The following ADCY6 variants were observed in gnomAD, a reference collection of about 807,000 sequenced individuals.
ADCY6 encodes adenylate cyclase type 6.
Under a neutral mutation model 111.6 loss-of-function variants are expected in ADCY6, and 59 were observed. The observed-to-expected ratio is 0.53, with a 90% CI of 0.43 to 0.66. The LOEUF is 0.66. Among genes scored for constraint, ADCY6 ranks in the 30% least tolerant of loss-of-function variants. ADCY6 has a pLI of 0.00. For missense variants in ADCY6, 1,242 were observed against 1,595.6 expected (o/e 0.78, Z 3.78); for synonymous variants, 576 against 642.9 (o/e 0.90, Z 1.57).
At position 48,770,929 on chromosome 12, in the gene ADCY6, C is replaced by T. The variant is rs1309330506; in HGVS notation, c.3093G>A (p.Lys1031=). The T allele has an allele frequency of 6.2e-7, 1 of 1,614,214 alleles. No homozygotes were observed. The highest frequency in any genetic ancestry group is 1.7e-5 in the Admixed American group (1 of 60,022). ...EERFRQLEKI[K]TIGSTYMAAS... is the part of the protein sequence containing the mutation. Reference sequence around the variant, plus strand: ...CAGCCATGTAGGTGCTACCAATCGTCTTGATCTTTTCCAGCTGCCGGAACC... The same window carrying T: ...CAGCCATGTAGGTGCTACCAATCGTTTTGATCTTTTCCAGCTGCCGGAACC... The change falls in exon 20 of 22, where the codon AAG becomes AAA. Residue 1031 remains lysine, a synonymous_variant. Transcript: ENST00000357869.
chr12:48,771,084 G>T lies in ADCY6; in HGVS notation c.3052-114C>A. The T allele has an allele frequency of 2.9e-6, 3 of 1,047,980 alleles. No individual in the cohort carries two copies. Among genetic ancestry groups the T allele is most frequent in the Non-Finnish European group, 2.8e-6 (2 of 718,198 alleles). The allele number at this position is 1,047,980 out of a possible 1,614,324, so 64.9% of individuals were successfully genotyped here. On this transcript the variant is annotated intron_variant, in intron 19 of 21. Coordinates refer to ENST00000357869, the MANE Select transcript of ADCY6 (RefSeq NM_015270.5). The surrounding 1 kb of genome is among the most constrained non-coding windows in gnomAD (Gnocchi z 4.3). Reference sequence around the variant, plus strand: ...CCTTCCCCACTTCCCTGTCTCAAGAGCCCCCTTCCAGCTGCTGCTATCAGT... The same window carrying T: ...CCTTCCCCACTTCCCTGTCTCAAGATCCCCCTTCCAGCTGCTGCTATCAGT...
intron 2 of ADCY6, among the ~76,000 whole-genome samples, chr12:48,781,473 C>T (rs1370151453): frequency 1.3e-5 from 2 of 152,160 alleles, no homozygotes; most frequent in African/African-American, 4.8e-5. Flanking sequence ...CTGGCCTCTG[C>T]TCCCTGGGCA....
chr12:48,782,469 C>T lies in ADCY6; in HGVS notation c.864+102G>A. On this transcript the variant is annotated intron_variant, in intron 2 of 21. Coordinates refer to ENST00000357869, the MANE Select transcript of ADCY6 (RefSeq NM_015270.5). This position sits in a 1 kb window ranked among gnomAD's most constrained non-coding sequence, Gnocchi z 4.3. ...GCCAGACATCCCTGCACCCAGCTTC[C>T]ACCCATGACTCACCCGCCCTTCCTC... The T allele has an allele frequency of 6.8e-7, 1 of 1,473,660 alleles. No homozygotes were observed. The highest frequency in any genetic ancestry group is 9.0e-7 in the Non-Finnish European group (1 of 1,111,472). 91.3% of individuals were successfully genotyped at this position (1,473,660 alleles called of 1,614,324 possible). A position where few individuals can be genotyped will look rare whatever the true frequency, so the allele number is the denominator to read the frequency against.
rs1371829744 is a variant in ADCY6 at position 48,776,633 on chromosome 12, C to T, written c.1377-47G>A. ...TCAGCTCCTGGCAGTCTTCCCCTCCCCCAGCCCACAACCCAGGCCCTTCAC... is the reference window on the plus strand; with the variant it reads ...TCAGCTCCTGGCAGTCTTCCCCTCCTCCAGCCCACAACCCAGGCCCTTCAC... On this transcript the variant is annotated intron_variant, in intron 6 of 21. Transcript: ENST00000357869. This position sits in a 1 kb window ranked among gnomAD's most constrained non-coding sequence, Gnocchi z 6.1. 6.4e-7 allele frequency: 1 copy of T among 1,569,568 alleles called. No homozygotes were observed. Among genetic ancestry groups the T allele is most frequent in the South Asian group, 1.2e-5 (1 of 84,888 alleles).
In ADCY6 at chr12:48,783,254, G is replaced by T. The variant is rs1388716970; in HGVS notation, c.181C>A (p.Pro61Thr). 6.2e-7 allele frequency: 1 copy of T among 1,610,732 alleles called. No individual in the cohort carries two copies. The highest frequency in any genetic ancestry group is 8.5e-7 in the Non-Finnish European group (1 of 1,179,294). ...GCGTCATCCTGCCAGGGGCACCGAG[G>T]GGGGCCCGCAGGGGTGGGGCTGGGT... ...EPPSPTPAGP[P>T]RCPWQDDAFI... The change falls in exon 2 of 22, where the codon CCT becomes ACT. Residue 61 changes from proline (P) to threonine (T), a missense_variant. Physicochemically the swap from Pro to Thr is conservative, Grantham distance 38. This residue lies in a region of ADCY6 where 362 missense variants were observed against 377.2 expected (regional missense o/e 0.96). Coordinates refer to ENST00000357869, the MANE Select transcript of ADCY6 (RefSeq NM_015270.5).
chr12:48,788,958 G>A lies in ADCY6; in HGVS notation c.-57C>T, dbSNP rs1012895565. ...GGGCCCCCGCCCCGCCGCCCCCGCG[G>A]GCTCCGGCCGGCCGGCCGGCCGTCC... On this transcript the variant is annotated 5_prime_UTR_variant, in exon 1 of 22. Coordinates refer to ENST00000357869, the MANE Select transcript of ADCY6 (RefSeq NM_015270.5). The A allele has an allele frequency of 7.2e-6, 1 of 137,996 alleles. No individual in the cohort carries two copies. Among genetic ancestry groups the A allele is most frequent in the African/African-American group, 2.6e-5 (1 of 37,872 alleles). The allele number at this position is 137,996 out of a possible 1,614,324, so 8.5% of individuals were successfully genotyped here.
rs925486102 is a variant in ADCY6, at chr12:48,771,171, G to A, written c.3052-201C>T. 2.4e-5 allele frequency: 14 copies of A among 594,976 alleles called. No homozygotes were observed. The highest frequency in any genetic ancestry group is 3.7e-5 in the African/African-American group (2 of 53,806). The allele number at this position is 594,976 out of a possible 1,614,324, so 36.9% of individuals were successfully genotyped here. A position where few individuals can be genotyped will look rare whatever the true frequency, so the allele number is the denominator to read the frequency against. ...ACTCCAGGCAGGACTTGGGCATACA[G>A]CTTCAGAAGGTCCCTCCAGTAGCTC... On this transcript the variant is annotated intron_variant, in intron 19 of 21. Coordinates refer to ENST00000357869, the MANE Select transcript of ADCY6 (RefSeq NM_015270.5). This position sits in a 1 kb window ranked among gnomAD's most constrained non-coding sequence, Gnocchi z 4.3.
chr12:48,778,000 G>A lies in ADCY6; in HGVS notation c.1014+108C>T, dbSNP rs1941748398. On this transcript the variant is annotated intron_variant, in intron 3 of 21. Coordinates refer to ENST00000357869, the MANE Select transcript of ADCY6 (RefSeq NM_015270.5). The surrounding 1 kb of genome is among the most constrained non-coding windows in gnomAD (Gnocchi z 4.9). ...GGGCCTCTGTGACGCACAACCCAGG[G>A]GAACCATCACACTGTGCTGCACGGA... The A allele has an allele frequency of 2.1e-6, 3 of 1,446,018 alleles. No homozygotes were observed. The Admixed American group carries it at 6.5e-5, about 31-fold the overall frequency. 89.6% of individuals were successfully genotyped at this position (1,446,018 alleles called of 1,614,324 possible). A position where few individuals can be genotyped will look rare whatever the true frequency, so the allele number is the denominator to read the frequency against.
chr12:48,783,335 G>A lies in ADCY6; in HGVS notation c.100C>T (p.Arg34Trp), dbSNP rs775408943. The change falls in exon 2 of 22, where the codon CGG (arginine) becomes TGG (tryptophan). Residue 34 changes from arginine (R) to tryptophan (W), a missense_variant. Transcript: ENST00000357869. ...CGGGGCGTGCAGAAGCCACCTGCCC[G>A]AGTGCCACGGCGCCGCGAACGCTTC... ...GQKRSRRRGT[R>W]AGGFCTPRYM... The A allele has an allele frequency of 6.1e-5, 98 of 1,613,946 alleles. 1 individual carries two copies. Among genetic ancestry groups the A allele is most frequent in the South Asian group, 8.8e-5 (8 of 91,086 alleles).
chr12:48,781,016 T>G (rs1941829274), intron 2 of ADCY6, among the ~76,000 whole-genome samples: 1 of 152,024 alleles, frequency 6.6e-6, no homozygotes, highest in Non-Finnish European at 1.5e-5. Flanking sequence ...CTGGCCAACA[T>G]GGTGAAACTT....
In ADCY6 at chr12:48,777,162, G is replaced by A. The variant is rs766632501; in HGVS notation, c.1318C>T (p.Arg440Trp). 21 of 1,613,716 alleles carry A rather than the reference G, an allele frequency of 1.3e-5. No homozygotes were observed. The highest frequency in any genetic ancestry group is 2.2e-5 in the East Asian group (1 of 44,884). ...ACACAGCAGTGGGCATGGTCGGCCCGGGCCTCCGGCAGCCCTGACACACAG... is the reference window on the plus strand; with the variant it reads ...ACACAGCAGTGGGCATGGTCGGCCCAGGCCTCCGGCAGCCCTGACACACAG... Reference protein sequence around the residue: ...YYCVSGLPEARADHAHCCVEM... With the variant: ...YYCVSGLPEAWADHAHCCVEM... The change falls in exon 6 of 22, where the codon CGG becomes TGG. Residue 440 changes from arginine (R) to tryptophan (W), a missense_variant. This residue lies in a region of ADCY6 where 260 missense variants were observed against 414.6 expected (regional missense o/e 0.63). Coordinates refer to ENST00000357869, the MANE Select transcript of ADCY6 (RefSeq NM_015270.5). The surrounding 1 kb of genome is among the most constrained non-coding windows in gnomAD (Gnocchi z 4.9).
At chr12:48,770,641 G>A in intron 20 of ADCY6, 125 bp downstream of exon 20, 2 of 918,936 alleles carry the variant, frequency 2.2e-6, no homozygotes, top group South Asian at 3.0e-5. Context: ...GATATAGGAG[G>A]TCAGAGGGAA....
In ADCY6 at chr12:48,783,126, C is replaced by A. The variant is rs781587179; in HGVS notation, c.309G>T (p.Thr103=). Residue 103 remains threonine (T), a synonymous_variant, in exon 2 of 22, where the codon ACG becomes ACT. Coordinates refer to ENST00000357869, the MANE Select transcript of ADCY6 (RefSeq NM_015270.5). ...GCACCGCGTCGGGCGCCACCTCAGC[C>A]GTCCCGCCCGCTGTCGTTGTCACCT... ...DTEVTTTAGG[T]AEVAPDAVPR... 9.3e-6 allele frequency: 15 copies of A among 1,608,686 alleles called. No homozygotes were observed. In the Admixed American group the frequency reaches 2.5e-4, roughly 27 times the overall value.
At chr12:48,770,725 A>G in intron 20 of ADCY6, 41 bp downstream of exon 20, 1 of 1,592,714 alleles carries the variant, frequency 6.3e-7, no homozygotes, top group Non-Finnish European at 8.6e-7. Flanking sequence ...TCACCTGGAA[A>G]AAGTCCTGGG....
chr12:48,781,113 G>A (rs547925872), intron 2 of ADCY6, among the ~76,000 whole-genome samples: 59 of 151,592 alleles, frequency 3.9e-4, no homozygotes, highest in African/African-American at 1.4e-3. Flanking sequence ...CAGGAGAATC[G>A]CTTGAACCTG....
In ADCY6 at chr12:48,772,417, C is replaced by A. The variant is rs767262541; in HGVS notation, c.2665G>T (p.Ala889Ser). 1 of 1,614,160 alleles carries A rather than the reference C, an allele frequency of 6.2e-7. No homozygotes were observed. Among genetic ancestry groups the A allele is most frequent in the East Asian group, 2.2e-5 (1 of 44,894 alleles). Reference protein sequence around the residue: ...ETFDGLDCPAAGRVALKYMTP... With the variant: ...ETFDGLDCPASGRVALKYMTP... The stretch of plus-strand genomic sequence containing the variant: ...ATATATTTGAGGGCCACCCTCCCTG[C>A]AGCTGGACTAAGGATAAGCAGAGAC... Residue 889 changes from alanine to serine, a missense_variant, in exon 18 of 22, where the codon GCA becomes TCA. Ala to Ser is a moderately conservative substitution (Grantham distance 99). Coordinates refer to ENST00000357869, the MANE Select transcript of ADCY6 (RefSeq NM_015270.5).
chr12:48,769,589 C>CT (rs1372908998), intron 20 of ADCY6, among the ~76,000 whole-genome samples: 1,734 of 138,794 alleles, frequency 0.012, 24 homozygotes, highest in African/African-American at 0.039. Flanking sequence ...CCTTTCTTTT[C>CT]TTTTTTTTTT....
In ADCY6 at chr12:48,778,204, T is replaced by A. The variant is rs1384808114; in HGVS notation, c.918A>T (p.Thr306=). 6.2e-7 allele frequency: 1 copy of A among 1,614,124 alleles called. No individual in the cohort carries two copies. Among genetic ancestry groups the A allele is most frequent in the African/African-American group, 1.3e-5 (1 of 75,028 alleles). Reference sequence around the variant, plus strand: ...GCTGAGACACCTCTGCTGGATAGTGTGTGCAGATGCCAATGACGTTGGTGC... The same window carrying A: ...GCTGAGACACCTCTGCTGGATAGTGAGTGCAGATGCCAATGACGTTGGTGC... ...FLCTNVIGIC[T]HYPAEVSQRQ... is the part of the protein sequence containing the mutation. Residue 306 remains threonine (T), a synonymous_variant, in exon 3 of 22, where the codon ACA becomes ACT. Transcript: ENST00000357869.
intron 13 of ADCY6, 31 bp downstream of exon 13, chr12:48,774,660 C>A: frequency 6.2e-7 from 1 of 1,610,238 alleles, no homozygotes. Flanking sequence ...AGCCTGCCCT[C>A]CCCAACAGCC....
Sources: gnomAD v4.1 joint callset for allele counts (sites outside exome capture counted in the v4.1 genomes callset) on GRCh38, gnomAD v4.1.1 for gene constraint, gnomAD v4.1.1 regional missense constraint, Gnocchi (gnomAD v3.1) non-coding constraint, MANE v1.5 for transcripts, NCBI Gene and HGNC (gene_info 2026-07-23, HGNC 2026-07-21) for gene names.